The following JAK2 variants were observed in gnomAD, a reference collection of about 807,000 sequenced individuals.
The protein encoded by JAK2 is Janus kinase 2.
Under a neutral mutation model 139.3 loss-of-function variants are expected in JAK2, and 86 were observed. The ratio of observed to expected loss-of-function variants is 0.62; its 90% CI spans 0.52 to 0.74. JAK2 has a LOEUF of 0.74. JAK2 is among the 30% of genes least tolerant of loss of function. JAK2 has a pLI of 0.00. For synonymous variants in JAK2, 490 were observed against 437.7 expected, an observed-to-expected ratio of 1.12 and a Z score of -1.49; for missense variants, 1,421 against 1,360.3, an observed-to-expected ratio of 1.04 and a Z score of -0.70.
At chr9:5,059,969 C>G (rs901682922) in intron 8 of JAK2, among the ~76,000 whole-genome samples, 1 of 152,100 alleles carries the variant, frequency 6.6e-6, no homozygotes, top group Non-Finnish European at 1.5e-5. Context: ...CGTATATAGA[C>G]ATACGTCAGA....
intron 23 of JAK2, among the ~76,000 whole-genome samples, chr9:5,123,956 G>A (rs1272764680): frequency 1.3e-5 from 2 of 150,040 alleles, no homozygotes; most frequent in Non-Finnish European, 3.0e-5. Context: ...GCATTTCTCT[G>A]GTGATTAGTG....
At chr9:5,043,592 T>C (rs970709224) in intron 4 of JAK2, among the ~76,000 whole-genome samples, 1 of 152,204 alleles carries the variant, frequency 6.6e-6, no homozygotes, top group African/African-American at 2.4e-5. Context: ...CAATTCTACT[T>C]CTAGATATAT....
At chr9:4,987,309 G>C (rs1156462081) in intron 2 of JAK2, among the ~76,000 whole-genome samples, 1 of 152,154 alleles carries the variant, frequency 6.6e-6, no homozygotes, top group Non-Finnish European at 1.5e-5. Context: ...GATATGGGAA[G>C]GGAATATGAC....
In JAK2 at chr9:5,050,636, A is replaced by C. The variant is rs747028648; in HGVS notation, c.469-50A>C. The C allele has an allele frequency of 2.6e-6, 4 of 1,533,330 alleles. No individual in the cohort carries two copies. The South Asian group carries it at 4.6e-5, about 18-fold the overall frequency. The allele number at this position is 1,533,330 out of a possible 1,614,324, so 95.0% of individuals were successfully genotyped here. On this transcript the variant is annotated intron_variant, in intron 5 of 24. Transcript: ENST00000381652. ...TTAAAATATAATCATAGATTAAAACATGATAATGAAACTTACGATGAGATA... is the reference window on the plus strand; with the variant it reads ...TTAAAATATAATCATAGATTAAAACCTGATAATGAAACTTACGATGAGATA...
In JAK2 at chr9:5,054,225, T is replaced by C. The variant is rs1817608272; in HGVS notation, c.615-338T>C. On this transcript the variant is annotated intron_variant, in intron 6 of 24. Transcript: ENST00000381652. This position sits in a 1 kb window ranked among gnomAD's most constrained non-coding sequence, Gnocchi z 4.9. ...CAATATATGCCAAAATATTATCTTATAAACCATTAACTCTGGTATGTGAAA... is the reference window on the plus strand; with the variant it reads ...CAATATATGCCAAAATATTATCTTACAAACCATTAACTCTGGTATGTGAAA... 6.6e-6 allele frequency among the ~76,000 whole-genome samples: 1 copy of C among 152,062 alleles called. No individual in the cohort carries two copies. Among genetic ancestry groups the C allele is most frequent in the South Asian group, 2.1e-4 (1 of 4,836 alleles).
At position 5,078,455 on chromosome 9, in the gene JAK2, G is replaced by C. The variant is rs764059863; in HGVS notation, c.2131+11G>C. ...TTTTGCCAAAGGACAGTAAGTTCTA[G>C]AAGGATTATATATAATGTTACTAAG... On this transcript the variant is annotated intron_variant, in intron 16 of 24. Coordinates refer to ENST00000381652, the MANE Select transcript of JAK2 (RefSeq NM_004972.4). The C allele has an allele frequency of 8.1e-6, 13 of 1,608,026 alleles. No homozygotes were observed. Among genetic ancestry groups the C allele is most frequent in the Admixed American group, 1.7e-5 (1 of 59,738 alleles).
chr9:5,040,749 C>T (rs552904462), intron 4 of JAK2, among the ~76,000 whole-genome samples: 3 of 152,366 alleles, frequency 2.0e-5, no homozygotes, highest in South Asian at 2.1e-4. Context: ...CGTCCGGGAC[C>T]GTGGTGTGCC....
chr9:4,999,186 A>G (rs1352371566), intron 2 of JAK2, among the ~76,000 whole-genome samples: 2 of 152,108 alleles, frequency 1.3e-5, no homozygotes, highest in Non-Finnish European at 2.9e-5. Flanking sequence ...CCCAAGGTAA[A>G]ATGATTACAT....
At chr9:5,042,888 C>T (rs1816708159) in intron 4 of JAK2, among the ~76,000 whole-genome samples, 1 of 152,214 alleles carries the variant, frequency 6.6e-6, no homozygotes, top group Non-Finnish European at 1.5e-5. Flanking sequence ...CGCAGCCTTT[C>T]ACAGCCTGGC....
chr9:5,056,810 T>C (rs1476607238), intron 8 of JAK2, among the ~76,000 whole-genome samples: 3 of 152,316 alleles, frequency 2.0e-5, no homozygotes, highest in Non-Finnish European at 4.4e-5. Flanking sequence ...CCCAAAGAAC[T>C]TCTCCATGGG....
intron 4 of JAK2, among the ~76,000 whole-genome samples, chr9:5,038,807 A>G (rs1023504687): frequency 1.3e-5 from 2 of 152,138 alleles, no homozygotes; most frequent in Admixed American, 6.5e-5. Context: ...ATGAAATACT[A>G]TGACCAGGTG....
intron 16 of JAK2, among the ~76,000 whole-genome samples, chr9:5,079,498 G>GT (rs113012776): frequency 0.018 from 2,557 of 145,788 alleles, 26 homozygotes; most frequent in African/African-American, 0.037. Context: ...TGGTCCTTGG[G>GT]TTTTTTTTTT....
intron 11 of JAK2, 26 bp from the exon 12 acceptor site, chr9:5,069,899 G>GAT (rs1818834173): frequency 1.3e-6 from 2 of 1,492,574 alleles, no homozygotes; most frequent in African/African-American, 1.4e-5. Context: ...ATTTTGAAGT[G>GAT]ATATATATGT....
intron 2 of JAK2, among the ~76,000 whole-genome samples, chr9:5,019,072 GCTT>G (rs1345906375): frequency 6.6e-6 from 1 of 152,088 alleles, no homozygotes; most frequent in African/African-American, 2.4e-5. Context: ...GGATCTCTGA[GCTT>G]CTGTATCTGA....
At chr9:5,103,103 T>C (rs1393728418) in intron 22 of JAK2, among the ~76,000 whole-genome samples, 2 of 149,866 alleles carry the variant, frequency 1.3e-5, no homozygotes, top group African/African-American at 4.9e-5. Flanking sequence ...AACTGGCAAA[T>C]TGGATAAAGA....
At chr9:5,037,001 C>G (rs1172614521) in intron 4 of JAK2, among the ~76,000 whole-genome samples, 3 of 150,980 alleles carry the variant, frequency 2.0e-5, no homozygotes, top group Non-Finnish European at 2.9e-5. Flanking sequence ...ACAATGAACT[C>G]TAACAAATTT....
chr9:5,049,542 T>A (rs985618141), intron 5 of JAK2, among the ~76,000 whole-genome samples: 6 of 152,340 alleles, frequency 3.9e-5, no homozygotes, highest in African/African-American at 1.4e-4. Flanking sequence ...CTGAATATAA[T>A]CTTAACTTTC....
rs550242893 is a variant in JAK2, at chr9:5,006,024, T to G, written c.-25-15939T>G. On this transcript the variant is annotated intron_variant, in intron 2 of 24. Transcript: ENST00000381652. ...ACTTTAAAGTAGTTTTTTCCAATTCTGTGAAGAAAGTCATTGGTAGCTTGA... is the reference window on the plus strand; with the variant it reads ...ACTTTAAAGTAGTTTTTTCCAATTCGGTGAAGAAAGTCATTGGTAGCTTGA... Among the ~76,000 whole-genome samples, 36 of 152,356 alleles carry G rather than the reference T, an allele frequency of 2.4e-4. No homozygotes were observed. In the South Asian group the frequency reaches 7.0e-3, roughly 30 times the overall value.
intron 2 of JAK2, among the ~76,000 whole-genome samples, chr9:4,998,030 C>T (rs1192075534): frequency 6.6e-6 from 1 of 152,014 alleles, no homozygotes; most frequent in Non-Finnish European, 1.5e-5. Context: ...TCATTATGAG[C>T]TTAAATTCAT....
Sources: gnomAD v4.1 joint callset for allele counts (sites outside exome capture counted in the v4.1 genomes callset) on GRCh38, gnomAD v4.1.1 for gene constraint, Gnocchi (gnomAD v3.1) non-coding constraint, MANE v1.5 for transcripts, NCBI Gene and HGNC (gene_info 2026-07-23, HGNC 2026-07-21) for gene names.